The following TYW1 variants were observed in gnomAD, a reference collection of about 807,000 sequenced individuals.
TYW1 encodes the protein tRNA-yW synthesizing protein 1 homolog.
TYW1 carries 46 observed loss-of-function variants against 96.2 expected under a neutral mutation model. The observed-to-expected ratio is 0.48, with a 90% CI of 0.38 to 0.61. The LOEUF (loss-of-function observed/expected upper bound fraction) is 0.61. Ranked by LOEUF, TYW1 falls within the 20% of genes least tolerant of loss-of-function variation. The pLI is 0.00. For synonymous variants in TYW1, 274 were observed against 323.0 expected (o/e 0.85, Z 1.63); for missense variants, 684 against 909.6 (o/e 0.75, Z 3.19).
At chr7:67,134,783 T>G (rs1280666762) in intron 13 of TYW1, among the ~76,000 whole-genome samples, 3 of 149,984 alleles carry the variant, frequency 2.0e-5, no homozygotes, top group Non-Finnish European at 3.0e-5. Flanking sequence ...CCATGTGTTT[T>G]TTTTTTTTTT....
chr7:67,063,664 C>T (rs1378202782), intron 9 of TYW1, among the ~76,000 whole-genome samples: 3 of 151,660 alleles, frequency 2.0e-5, no homozygotes, highest in Non-Finnish European at 4.4e-5. Context: ...AGTGTAGTGG[C>T]GCGATCTCGG....
intron 13 of TYW1, among the ~76,000 whole-genome samples, chr7:67,143,371 T>A (rs111974301): frequency 6.6e-6 from 1 of 152,210 alleles, no homozygotes; most frequent in Non-Finnish European, 1.5e-5. Flanking sequence ...CAAGAAGTGA[T>A]AGCGGAACTG....
At chr7:67,083,842 C>T (rs776881184) in intron 11 of TYW1, among the ~76,000 whole-genome samples, 11 of 152,148 alleles carry the variant, frequency 7.2e-5, no homozygotes, top group Non-Finnish European at 1.6e-4. Context: ...CGAGATGAGC[C>T]TGGCTAACAT....
intron 15 of TYW1, among the ~76,000 whole-genome samples, chr7:67,237,702 C>T (rs1032705516): frequency 1.6e-4 from 25 of 151,934 alleles, no homozygotes; most frequent in African/African-American, 5.1e-4. Flanking sequence ...ATTATTCCAC[C>T]GTGACTTTTG....
chr7:67,156,100 C>A (rs925641579), intron 13 of TYW1, among the ~76,000 whole-genome samples: 1 of 152,100 alleles, frequency 6.6e-6, no homozygotes, highest in Admixed American at 6.5e-5. Context: ...GTGGTGGTGG[C>A]AGCATGGCCC....
chr7:67,047,302 G>A (rs1206616655), intron 7 of TYW1, among the ~76,000 whole-genome samples: 4 of 152,088 alleles, frequency 2.6e-5, no homozygotes, highest in Non-Finnish European at 4.4e-5. Flanking sequence ...TAGCTGAGGC[G>A]GGAGGGTCGC....
chr7:67,231,310 C>T (rs2116446124), intron 15 of TYW1, among the ~76,000 whole-genome samples: 1 of 152,238 alleles, frequency 6.6e-6, no homozygotes, highest in South Asian at 2.1e-4. Context: ...CTCTGCAGGA[C>T]ACTTACTTAC....
At chr7:67,070,721 T>C (rs565141115) in intron 10 of TYW1, among the ~76,000 whole-genome samples, 6 of 152,322 alleles carry the variant, frequency 3.9e-5, no homozygotes, top group African/African-American at 1.4e-4. Context: ...TGGCTTAAAG[T>C]ATTTTTTTAG....
intron 7 of TYW1, among the ~76,000 whole-genome samples, chr7:67,026,591 T>C (rs1013010003): frequency 2.6e-5 from 4 of 152,198 alleles, no homozygotes; most frequent in East Asian, 1.9e-4. Context: ...TAGATCTAGA[T>C]TGATCTATTC....
At chr7:67,144,879 T>G (rs1319767112) in intron 13 of TYW1, among the ~76,000 whole-genome samples, 2 of 151,934 alleles carry the variant, frequency 1.3e-5, no homozygotes, top group Non-Finnish European at 1.5e-5. Flanking sequence ...CAAAAACTAA[T>G]ACAGCATTTT....
At chr7:67,235,192 G>T (rs1049928012) in intron 15 of TYW1, among the ~76,000 whole-genome samples, 2 of 152,174 alleles carry the variant, frequency 1.3e-5, no homozygotes, top group Non-Finnish European at 2.9e-5. Flanking sequence ...TCCCCAAAGA[G>T]ACTCCTCTAC....
At chr7:67,005,174 C>G (rs902365961) in intron 3 of TYW1, among the ~76,000 whole-genome samples, 11 of 152,130 alleles carry the variant, frequency 7.2e-5, no homozygotes, top group African/African-American at 2.7e-4. Flanking sequence ...TGACCTGCCC[C>G]TTCTCTCTAG....
intron 11 of TYW1, among the ~76,000 whole-genome samples, chr7:67,087,797 G>A (rs1796595183): frequency 6.6e-6 from 1 of 152,090 alleles, no homozygotes; most frequent in Non-Finnish European, 1.5e-5. Flanking sequence ...GGTGCGGAGG[G>A]TGTAGATGGG....
chr7:67,090,408 T>C (rs1796676922), intron 11 of TYW1, among the ~76,000 whole-genome samples: 1 of 152,216 alleles, frequency 6.6e-6, no homozygotes, highest in Admixed American at 6.5e-5. Flanking sequence ...ATCATGTTTA[T>C]TTGTGTGTTA....
At chr7:67,137,477 G>C (rs1255405958) in intron 13 of TYW1, among the ~76,000 whole-genome samples, 1 of 152,038 alleles carries the variant, frequency 6.6e-6, no homozygotes, top group Non-Finnish European at 1.5e-5. Context: ...AAATAAAAGA[G>C]AAAAAAGGAA....
intron 13 of TYW1, among the ~76,000 whole-genome samples, chr7:67,170,188 T>G (rs1413081188): frequency 1.3e-5 from 2 of 152,174 alleles, no homozygotes; most frequent in Non-Finnish European, 2.9e-5. Context: ...GAAAAGACTA[T>G]TTTTTCCCCA....
chr7:67,142,436 A>AT (rs977339177), intron 13 of TYW1, among the ~76,000 whole-genome samples: 2 of 149,744 alleles, frequency 1.3e-5, no homozygotes, highest in Admixed American at 6.7e-5. Context: ...ATTTTTTATA[A>AT]TTTTTTTTTC....
intron 7 of TYW1, among the ~76,000 whole-genome samples, chr7:67,048,349 A>G (rs1342092365): frequency 6.6e-6 from 1 of 150,892 alleles, no homozygotes; most frequent in Non-Finnish European, 1.5e-5. Context: ...TAAAATAGAC[A>G]GGGACCAAGG....
chr7:67,073,766 T>A (rs1796113167), intron 10 of TYW1, among the ~76,000 whole-genome samples: 1 of 31,456 alleles, frequency 3.2e-5, no homozygotes. Context: ...GCGAGACTCT[T>A]CAAAAAAAAA....
Sources: allele counts gnomAD v4.1 joint callset (sites outside exome capture counted in the v4.1 genomes callset), GRCh38; gene constraint gnomAD v4.1.1; transcripts MANE v1.5; gene names NCBI Gene and HGNC (gene_info 2026-07-23, HGNC 2026-07-21).